Variants in UCP1 observed in about 807,000 individuals in gnomAD.
UCP1 encodes uncoupling protein 1.
In UCP1, 24 loss-of-function variants were observed where a neutral mutation model predicts 26.2. The ratio of observed to expected loss-of-function variants is 0.92; its 90% CI spans 0.66 to 1.29. The LOEUF (loss-of-function observed/expected upper bound fraction) is 1.29, where lower values mean the gene tolerates loss of function less well. Among genes scored for constraint, UCP1 ranks in the 50% most tolerant of loss-of-function variants. UCP1 has a pLI of 0.00. For missense variants in UCP1, 402 were observed against 388.7 expected (o/e 1.03, Z -0.29); for synonymous variants, 164 against 156.8 (o/e 1.05, Z -0.34).
intron 5 of UCP1, among the ~76,000 whole-genome samples, chr4:140,561,619 G>C (rs943799004): frequency 1.3e-5 from 2 of 152,192 alleles, no homozygotes; most frequent in African/African-American, 4.8e-5. Context: ...GATTACAGGT[G>C]CGAGCCACCA....
intron 5 of UCP1, among the ~76,000 whole-genome samples, chr4:140,560,418 A>T (rs1293259819): frequency 6.6e-6 from 1 of 152,070 alleles, no homozygotes; most frequent in Non-Finnish European, 1.5e-5. Flanking sequence ...CACTCCCAAA[A>T]CATGTCTTTT....
chr4:140,562,085 A>T, intron 5 of UCP1, 108 bp downstream of exon 5: 1 of 1,282,266 alleles, frequency 7.8e-7, no homozygotes, highest in Non-Finnish European at 1.1e-6. Context: ...TACTAAGTAT[A>T]TGAATATACT....
chr4:140,567,100 C>T (rs1385293991), intron 2 of UCP1, among the ~76,000 whole-genome samples: 1 of 152,194 alleles, frequency 6.6e-6, no homozygotes, highest in African/African-American at 2.4e-5. Context: ...TAGTTAAGCC[C>T]TCAAATAAAT....
intron 1 of UCP1, 136 bp downstream of exon 1, chr4:140,568,468 C>A (rs777281220): frequency 6.9e-7 from 1 of 1,448,134 alleles, no homozygotes; most frequent in Non-Finnish European, 9.4e-7. Context: ...AGCCCTGGGA[C>A]AAGGCCAGAC....
chr4:140,567,746 T>C lies in UCP1; in HGVS notation c.325+33A>G, dbSNP rs1472857024. On this transcript the variant is annotated intron_variant, in intron 2 of 5. Coordinates refer to ENST00000262999, the MANE Select transcript of UCP1 (RefSeq NM_021833.5). The stretch of plus-strand genomic sequence containing the variant: ...TTGGAACAGAGCGGAGCCCAAGGCT[T>C]TTCTGCCCCTCCCAGGAACGCTCAC... The C allele has an allele frequency of 3.1e-6, 5 of 1,612,850 alleles. No homozygotes were observed. The South Asian group carries it at 4.4e-5, about 14-fold the overall frequency.
rs1321789605 is a variant in UCP1, at chr4:140,559,827, TTTTG to T, written c.*65_*68del. On this transcript the variant is annotated 3_prime_UTR_variant, in exon 6 of 6. Transcript: ENST00000262999. ...TTTTAGGTTAAAATAAGTGAATAAG[TTTTG>T]TTTGTTTTTATGATCCAGTCAGCAA... 3 of 1,350,582 alleles carry T rather than the reference TTTTG, an allele frequency of 2.2e-6. No homozygotes were observed. The highest frequency in any genetic ancestry group is 2.3e-5 in the East Asian group (1 of 43,526). The allele number at this position is 1,350,582 out of a possible 1,614,324, so 83.7% of individuals were successfully genotyped here.
At chr4:140,565,631 G>A (rs946744661) in intron 2 of UCP1, among the ~76,000 whole-genome samples, 9 of 151,854 alleles carry the variant, frequency 5.9e-5, no homozygotes, top group Admixed American at 5.2e-4. Flanking sequence ...TCACCAACAT[G>A]TCCTCCCTGT....
intron 5 of UCP1, among the ~76,000 whole-genome samples, chr4:140,561,692 A>G (rs547884746): frequency 6.6e-5 from 10 of 152,342 alleles, no homozygotes; most frequent in African/African-American, 2.2e-4. Context: ...CATTATGGAA[A>G]TATGTAATCT....
chr4:140,564,200 A>G (rs1320067705), intron 2 of UCP1, among the ~76,000 whole-genome samples: 3 of 152,188 alleles, frequency 2.0e-5, no homozygotes, highest in South Asian at 4.1e-4. Flanking sequence ...ACGAATGATC[A>G]TGTTAATTAT....
Position 140,563,379 on chromosome 4 carries a change from C to G in UCP1, c.465G>C (p.Thr155=). 1 of 1,614,084 alleles carries G rather than the reference C, an allele frequency of 6.2e-7. No individual in the cohort carries two copies. The highest frequency in any genetic ancestry group is 8.5e-7 in the Non-Finnish European group (1 of 1,180,018). The stretch of plus-strand genomic sequence containing the variant: ...TTATTCTGTACGCATTATAAGTCCC[C>G]GTGTAGCGAGGTTTGATTCCGTGGA... ...SHLHGIKPRY[T]GTYNAYRIIA... Residue 155 remains threonine, a synonymous_variant, in exon 3 of 6, where the codon ACG becomes ACC. Transcript: ENST00000262999.
At chr4:140,565,051 C>T (rs1735768030) in intron 2 of UCP1, among the ~76,000 whole-genome samples, 1 of 152,192 alleles carries the variant, frequency 6.6e-6, no homozygotes, top group Admixed American at 6.5e-5. Flanking sequence ...ACACTCTCTG[C>T]TGTTTGACCC....
chr4:140,566,845 C>T (rs759189640), intron 2 of UCP1, among the ~76,000 whole-genome samples: 70 of 152,244 alleles, frequency 4.6e-4, no homozygotes, highest in Non-Finnish European at 8.4e-4. Context: ...CAGTGTTGTG[C>T]GGTTTGAATG....
Position 140,559,490 on chromosome 4 carries a change from A to G in UCP1, c.*406T>C, listed in dbSNP as rs538981371. On this transcript the variant is annotated 3_prime_UTR_variant, in exon 6 of 6. Transcript: ENST00000262999. Reference sequence around the variant, plus strand: ...TTAACTGACAACTGTGGTTAATAAAAACTAATATTTTTAATAACTTCATTT... The same window carrying G: ...TTAACTGACAACTGTGGTTAATAAAGACTAATATTTTTAATAACTTCATTT... 5.4e-6 allele frequency: 1 copy of G among 185,412 alleles called. No individual in the cohort carries two copies. The highest frequency in any genetic ancestry group is 5.7e-5 in the Admixed American group (1 of 17,428). The allele number at this position is 185,412 out of a possible 1,614,324, so 11.5% of individuals were successfully genotyped here.
In UCP1 at chr4:140,559,646, G is replaced by T; in HGVS notation, c.*250C>A. On this transcript the variant is annotated 3_prime_UTR_variant, in exon 6 of 6. Coordinates refer to ENST00000262999, the MANE Select transcript of UCP1 (RefSeq NM_021833.5). ...ACTCCAGAAATGGTCAAATGCAGTA[G>T]CTTATCTGCATTACATTTGCCAGGG... is the stretch of plus-strand genomic sequence containing the variant. 2.0e-6 allele frequency: 1 copy of T among 494,830 alleles called. No individual in the cohort carries two copies. The highest frequency in any genetic ancestry group is 3.6e-5 in the East Asian group (1 of 27,470). 30.7% of individuals were successfully genotyped at this position (494,830 alleles called of 1,614,324 possible). A position where few individuals can be genotyped will look rare whatever the true frequency, so the allele number is the denominator to read the frequency against.
At position 140,563,117 on chromosome 4, in the gene UCP1, T is replaced by C. The variant is rs2110909338; in HGVS notation, c.621A>G (p.Ile207Met). ...LMKEAFVKNN[I>M]LADDVPCHLV... is the part of the protein sequence containing the mutation. ...TATGAAATGGGAAGTTACCTGCTAA[T>C]ATGTTGTTTTTCACAAAGGCCTCCT... Residue 207 changes from isoleucine (I) to methionine (M), a missense_variant, in exon 4 of 6, where the codon ATA becomes ATG. Transcript: ENST00000262999. The C allele has an allele frequency of 8.1e-6, 13 of 1,613,124 alleles. No homozygotes were observed. The highest frequency in any genetic ancestry group is 1.1e-5 in the Non-Finnish European group (13 of 1,179,260).
In UCP1 at chr4:140,563,419, T is replaced by C; in HGVS notation, c.425A>G (p.Gln142Arg). 2 of 1,614,118 alleles carry C rather than the reference T, an allele frequency of 1.2e-6. No homozygotes were observed. The highest frequency in any genetic ancestry group is 1.7e-6 in the Non-Finnish European group (2 of 1,180,006). Reference sequence around the variant, plus strand: ...GATTCCGTGGAGATGGCTCTGTGCTTGAAGTCTGACTTTCACGACCTCTGT... The same window carrying C: ...GATTCCGTGGAGATGGCTCTGTGCTCGAAGTCTGACTTTCACGACCTCTGT... ...QPTEVVKVRL[Q>R]AQSHLHGIKP... Residue 142 changes from glutamine to arginine, a missense_variant, in exon 3 of 6, where the codon CAA becomes CGA. Gln to Arg is a conservative substitution (Grantham distance 43). Transcript: ENST00000262999.
rs559176907 is a variant in UCP1, at chr4:140,565,655, G to A, written c.325+2124C>T. Among the ~76,000 whole-genome samples, 15 of 151,984 alleles carry A rather than the reference G, an allele frequency of 9.9e-5. No homozygotes were observed. The South Asian group carries it at 2.5e-3, about 25-fold the overall frequency. On this transcript the variant is annotated intron_variant, in intron 2 of 5. Transcript: ENST00000262999. ...TGTCCTCCCTGTGCTATGTTCACTCGACTCCTCACTGAGTCTTTGCACATG... is the reference window on the plus strand; with the variant it reads ...TGTCCTCCCTGTGCTATGTTCACTCAACTCCTCACTGAGTCTTTGCACATG...
At chr4:140,567,465 TA>T (rs1197951039) in intron 2 of UCP1, among the ~76,000 whole-genome samples, 1 of 152,248 alleles carries the variant, frequency 6.6e-6, no homozygotes, top group Non-Finnish European at 1.5e-5. Context: ...ATGTTTCTGA[TA>T]TACTTCCCTC....
chr4:140,563,755 G>A (rs918048094), intron 2 of UCP1, among the ~76,000 whole-genome samples: 1 of 151,832 alleles, frequency 6.6e-6, no homozygotes, highest in Non-Finnish European at 1.5e-5. Context: ...TTATAGGCAC[G>A]TGCCACCACA....
Sources: gnomAD v4.1 joint callset for allele counts (sites outside exome capture counted in the v4.1 genomes callset) on GRCh38, gnomAD v4.1.1 for gene constraint, MANE v1.5 for transcripts, NCBI Gene and HGNC (gene_info 2026-07-23, HGNC 2026-07-21) for gene names.